CHST15: variants seen among roughly 807,000 people sequenced by gnomAD.
CHST15 encodes the protein B cell RAG associated protein (GALNAC4S-6ST).
Under a neutral mutation model 53.6 loss-of-function variants are expected in CHST15, and 30 were observed. That is an observed-to-expected ratio of 0.56 (90% CI 0.42 to 0.76). CHST15 has a LOEUF of 0.76. Ranked by LOEUF, CHST15 falls within the 30% of genes least tolerant of loss-of-function variation. CHST15 has a pLI of 0.00. For synonymous variants in CHST15, 296 were observed against 289.8 expected (o/e 1.02, Z -0.22); for missense variants, 627 against 740.5 (o/e 0.85, Z 1.78).
At chr10:124,050,635 G>T (rs932254426) in intron 1 of CHST15, among the ~76,000 whole-genome samples, 1 of 152,204 alleles carries the variant, frequency 6.6e-6, no homozygotes, top group Non-Finnish European at 1.5e-5. Flanking sequence ...TGGAGCTACT[G>T]CCTTAAAGAA....
In CHST15 at chr10:124,093,480, G is replaced by A. The variant is rs1447753889; in HGVS notation, c.-524C>T. 6.6e-6 allele frequency: 1 copy of A among 152,326 alleles called. No individual in the cohort carries two copies. Among genetic ancestry groups the A allele is most frequent in the African/African-American group, 2.4e-5 (1 of 41,450 alleles). 9.4% of individuals were successfully genotyped at this position (152,326 alleles called of 1,614,324 possible). On this transcript the variant is annotated 5_prime_UTR_variant, in exon 1 of 8. Coordinates refer to ENST00000435907, the MANE Select transcript of CHST15 (RefSeq NM_001270764.2). ...CACCTAACTTGTACCTGAGAAGCCT[G>A]AGTCCAGCCCGGGAGCCTCTGCGGC... is the stretch of plus-strand genomic sequence containing the variant.
chr10:124,054,498 A>G (rs1590286930), intron 1 of CHST15, among the ~76,000 whole-genome samples: 1 of 152,230 alleles, frequency 6.6e-6, no homozygotes. Flanking sequence ...TCAGATCTCT[A>G]CAATATGCAG....
chr10:124,029,200 G>A (rs1168744137), intron 5 of CHST15, among the ~76,000 whole-genome samples: 2 of 152,204 alleles, frequency 1.3e-5, no homozygotes, highest in Non-Finnish European at 2.9e-5. Context: ...GCCATTTAAT[G>A]TAGCTGAGAC....
intron 1 of CHST15, among the ~76,000 whole-genome samples, chr10:124,072,489 T>C (rs1242866999): frequency 6.6e-6 from 1 of 152,098 alleles, no homozygotes; most frequent in Non-Finnish European, 1.5e-5. Context: ...GGGTTGGAAG[T>C]CCAGGGGGTG....
chr10:124,044,830 G>C lies in CHST15; in HGVS notation c.636C>G (p.Pro212=). 1 of 1,563,286 alleles carries C rather than the reference G, an allele frequency of 6.4e-7. No individual in the cohort carries two copies. The highest frequency in any genetic ancestry group is 8.7e-7 in the Non-Finnish European group (1 of 1,151,850). ...AGAGCACGTAGGAGTTGGTGAGGTA[G>C]GGGTCGGTGGTGTTCTGCCCCGAGA... ...EEFSGQNTTD[P]YLTNSYVLYS... is the part of the protein sequence containing the mutation. Residue 212 remains proline (P), a synonymous_variant, in exon 3 of 8, where the codon CCC becomes CCG. Transcript: ENST00000435907.
chr10:124,061,568 T>C (rs933044888), intron 1 of CHST15, among the ~76,000 whole-genome samples: 6 of 152,234 alleles, frequency 3.9e-5, no homozygotes, highest in African/African-American at 1.2e-4. Context: ...CATTGTTGAT[T>C]GTGGGTAGCA....
At chr10:124,084,456 C>T (rs1949354538) in intron 1 of CHST15, among the ~76,000 whole-genome samples, 8 of 151,096 alleles carry the variant, frequency 5.3e-5, no homozygotes, top group Admixed American at 4.6e-4. Flanking sequence ...TAGGAACAAG[C>T]TCCCCCATAC....
At chr10:124,052,807 G>A (rs1050148321) in intron 1 of CHST15, among the ~76,000 whole-genome samples, 10 of 152,218 alleles carry the variant, frequency 6.6e-5, no homozygotes, top group South Asian at 2.1e-4. Flanking sequence ...AGTCTGAGGC[G>A]GGCAAATCAC....
At chr10:124,010,906 T>C (rs944435169) in intron 7 of CHST15, 1 of 985,428 alleles carries the variant, frequency 1.0e-6, no homozygotes, top group Non-Finnish European at 1.2e-6. Flanking sequence ...AACCTCCATC[T>C]GCAGCAAGGA....
chr10:124,073,470 C>T (rs190572462), intron 1 of CHST15, among the ~76,000 whole-genome samples: 143 of 152,306 alleles, frequency 9.4e-4, no homozygotes, highest in African/African-American at 3.2e-3. Context: ...GTCTGTATAC[C>T]TGATCTAGGT....
chr10:124,020,579 A>G, intron 6 of CHST15: 1 of 985,814 alleles, frequency 1.0e-6, no homozygotes, highest in Non-Finnish European at 1.2e-6. Context: ...TTGCTATGCG[A>G]GACGCTGAGC....
rs569299943 is a variant in CHST15 at position 124,019,896 on chromosome 10, T to A, written c.1347+1360A>T. ...ACCAGGCGGCTGGCTGCGTTCTGTA[T>A]GGTAGGTGGTGCTGACCACTGGGCC... On this transcript the variant is annotated intron_variant, in intron 6 of 7. Coordinates refer to ENST00000435907, the MANE Select transcript of CHST15 (RefSeq NM_001270764.2). The surrounding 1 kb of genome is among the most constrained non-coding windows in gnomAD (Gnocchi z 4.6). The A allele has an allele frequency of 1.5e-5, 15 of 985,996 alleles. No individual in the cohort carries two copies. The Admixed American group carries it at 8.6e-4, about 56-fold the overall frequency. The allele number at this position is 985,996 out of a possible 1,614,324, so 61.1% of individuals were successfully genotyped here.
Position 124,045,690 on chromosome 10 carries a change from C to T in CHST15, c.523G>A (p.Asp175Asn), listed in dbSNP as rs146087527. The T allele has an allele frequency of 6.2e-7, 1 of 1,606,106 alleles. No individual in the cohort carries two copies. Among genetic ancestry groups the T allele is most frequent in the Admixed American group, 1.7e-5 (1 of 59,150 alleles). Residue 175 changes from aspartate (D) to asparagine (N), a missense_variant, in exon 2 of 8, where the codon GAC becomes AAC. Physicochemically the swap from Asp to Asn is conservative, Grantham distance 23. Around this residue, in one of 3 missense-constraint regions of CHST15, gnomAD observed 187 missense variants for 251.8 expected, o/e 0.74. Transcript: ENST00000435907. ...FTTRQLPDLE[D>N]LKKQELHMFS... The stretch of plus-strand genomic sequence containing the variant: ...ACATGCAACTCCTGCTTCTTAAGGT[C>T]TTCTAAGTCTGGGAGCTGTCTGGTC...
chr10:124,014,143 T>C (rs1564848159), intron 6 of CHST15, among the ~76,000 whole-genome samples: 3 of 152,214 alleles, frequency 2.0e-5, no homozygotes, highest in Non-Finnish European at 2.9e-5. Context: ...TCCCATTTTT[T>C]AGGCAGACAC....
intron 4 of CHST15, among the ~76,000 whole-genome samples, chr10:124,041,924 G>A (rs183811524): frequency 2.0e-5 from 3 of 152,252 alleles, no homozygotes; most frequent in Admixed American, 2.0e-4. Flanking sequence ...GCAGCAAATC[G>A]ATGACTAACC....
chr10:124,020,044 C>G (rs1946719671), intron 6 of CHST15: 2 of 985,836 alleles, frequency 2.0e-6, no homozygotes, highest in South Asian at 9.4e-5. Context: ...CCAGAGCTCC[C>G]TGCCCAGCCT....
In CHST15 at chr10:124,044,811, C is replaced by A. The variant is rs765371622; in HGVS notation, c.655G>T (p.Val219Leu). The A allele has an allele frequency of 1.3e-6, 2 of 1,592,964 alleles. No individual in the cohort carries two copies. Among genetic ancestry groups the A allele is most frequent in the East Asian group, 2.3e-5 (1 of 43,884 alleles). The part of the protein sequence containing the change: ...TTDPYLTNSY[V>L]LYSKRFRSTF... ...GAGCGGAAGCGCTTGGAGTAGAGCA[C>A]GTAGGAGTTGGTGAGGTAGGGGTCG... Residue 219 changes from valine to leucine, a missense_variant, in exon 3 of 8, where the codon GTG becomes TTG. Physicochemically the swap from Val to Leu is conservative, Grantham distance 32. Around this residue, in one of 3 missense-constraint regions of CHST15, gnomAD observed 161 missense variants for 117.2 expected, o/e 1.37. Coordinates refer to ENST00000435907, the MANE Select transcript of CHST15 (RefSeq NM_001270764.2).
intron 1 of CHST15, among the ~76,000 whole-genome samples, chr10:124,050,830 C>G (rs1948164168): frequency 6.6e-6 from 1 of 152,106 alleles, no homozygotes; most frequent in Admixed American, 6.5e-5. Flanking sequence ...GGGGCACAGG[C>G]TGGTGGGGGT....
chr10:124,031,592 G>A (rs527957619), intron 5 of CHST15, among the ~76,000 whole-genome samples: 1 of 152,316 alleles, frequency 6.6e-6, no homozygotes, highest in East Asian at 1.9e-4. Flanking sequence ...CATATATGGG[G>A]TCCACTGTTG....
Sources: gnomAD v4.1 joint callset for allele counts (sites outside exome capture counted in the v4.1 genomes callset) on GRCh38, gnomAD v4.1.1 for gene constraint, gnomAD v4.1.1 regional missense constraint, Gnocchi (gnomAD v3.1) non-coding constraint, MANE v1.5 for transcripts, NCBI Gene and HGNC (gene_info 2026-07-23, HGNC 2026-07-21) for gene names.